The following PTPRM variants were observed in gnomAD, a reference collection of about 807,000 sequenced individuals.
PTPRM encodes the protein protein tyrosine phosphatase receptor type M.
A neutral mutation model predicts 186.7 loss-of-function variants in PTPRM; 47 were observed. The ratio of observed to expected loss-of-function variants is 0.25; its 90% confidence interval spans 0.20 to 0.32. The LOEUF (loss-of-function observed/expected upper bound fraction) is 0.32, where lower values mean the gene tolerates loss of function less well. Ranked by LOEUF, PTPRM falls within the 10% of genes least tolerant of loss-of-function variation. The pLI is 1.00. For synonymous variants in PTPRM, 668 were observed against 674.9 expected (o/e 0.99, Z 0.16); for missense variants, 1,494 against 1,865.0 (o/e 0.80, Z 3.66).
chr18:7,683,865 C>T (rs930130906), intron 1 of PTPRM, among the ~76,000 whole-genome samples: 2 of 152,030 alleles, frequency 1.3e-5, no homozygotes, highest in Non-Finnish European at 2.9e-5. Context: ...GAATGCACCC[C>T]CAGGCTCATT....
At chr18:7,752,026 A>G (rs1369654685) in intron 1 of PTPRM, among the ~76,000 whole-genome samples, 1 of 152,248 alleles carries the variant, frequency 6.6e-6, no homozygotes, top group South Asian at 2.1e-4. Flanking sequence ...TAGGTTGCCC[A>G]TGCAGAGTTG....
chr18:7,711,310 C>A (rs777866973), intron 1 of PTPRM, among the ~76,000 whole-genome samples: 6 of 152,180 alleles, frequency 3.9e-5, no homozygotes, highest in Non-Finnish European at 5.9e-5. Flanking sequence ...CCAGATACTA[C>A]GCTTTTCTCA....
chr18:7,922,115 A>G (rs2050900743), intron 4 of PTPRM, among the ~76,000 whole-genome samples: 6 of 152,138 alleles, frequency 3.9e-5, no homozygotes, highest in Admixed American at 3.9e-4. Context: ...ATGACACCTT[A>G]AGCCAAAGTT....
intron 22 of PTPRM, among the ~76,000 whole-genome samples, chr18:8,329,992 A>G (rs2095403103): frequency 6.6e-6 from 1 of 152,004 alleles, no homozygotes; most frequent in Non-Finnish European, 1.5e-5. Context: ...TTATAGAGAC[A>G]GGGTTTTGCT....
chr18:7,951,661 A>C (rs73381856), intron 6 of PTPRM, among the ~76,000 whole-genome samples: 1 of 152,156 alleles, frequency 6.6e-6, no homozygotes, highest in South Asian at 2.1e-4. Context: ...GACAATTTGC[A>C]TGCAGTTAGG....
At chr18:8,348,280 G>A (rs984157767) in intron 23 of PTPRM, among the ~76,000 whole-genome samples, 4 of 152,236 alleles carry the variant, frequency 2.6e-5, no homozygotes, top group Admixed American at 1.3e-4. Context: ...GCCCTGAAGC[G>A]CTCTGCATTA....
intron 1 of PTPRM, among the ~76,000 whole-genome samples, chr18:7,644,756 G>T (rs138980587): frequency 8.0e-4 from 122 of 152,254 alleles, no homozygotes; most frequent in Middle Eastern, 3.4e-3. Context: ...AATGGTTGAG[G>T]TTTATGCAAG....
At chr18:8,355,725 G>T (rs2095559919) in intron 23 of PTPRM, among the ~76,000 whole-genome samples, 1 of 152,192 alleles carries the variant, frequency 6.6e-6, no homozygotes, top group Admixed American at 6.5e-5. Flanking sequence ...ACATGCAACA[G>T]AAATCAACTC....
intron 19 of PTPRM, among the ~76,000 whole-genome samples, chr18:8,274,855 G>T (rs537153745): frequency 6.6e-6 from 1 of 152,292 alleles, no homozygotes; most frequent in East Asian, 1.9e-4. Context: ...AATCAAGGAA[G>T]AACTCACTGG....
At chr18:7,924,772 T>C (rs924263445) in intron 4 of PTPRM, among the ~76,000 whole-genome samples, 5 of 152,120 alleles carry the variant, frequency 3.3e-5, no homozygotes, top group Admixed American at 6.5e-5. Context: ...AGAAGCTTCA[T>C]GGAAGGAACA....
chr18:8,057,406 TTGTGATAC>T (rs146715813), intron 7 of PTPRM, among the ~76,000 whole-genome samples: 6,008 of 147,264 alleles, frequency 0.041, 340 homozygotes, highest in African/African-American at 0.13. Context: ...TCAACCATTG[TTGTGATAC>T]TGTGATACTT....
At chr18:7,767,350 G>T (rs643415) in intron 1 of PTPRM, among the ~76,000 whole-genome samples, 1,803 of 152,254 alleles carry the variant, frequency 0.012, 35 homozygotes, top group African/African-American at 0.041. Flanking sequence ...TGATTTACGT[G>T]TACTGGGTCA....
chr18:7,894,542 C>T (rs537187998), intron 3 of PTPRM, among the ~76,000 whole-genome samples: 2 of 151,988 alleles, frequency 1.3e-5, no homozygotes, highest in Non-Finnish European at 2.9e-5. Context: ...GCCGAGATTG[C>T]GCCACTGCAC....
At chr18:7,976,097 A>G (rs895246711) in intron 7 of PTPRM, among the ~76,000 whole-genome samples, 2 of 152,228 alleles carry the variant, frequency 1.3e-5, no homozygotes, top group African/African-American at 4.8e-5. Flanking sequence ...TGAACCTGGG[A>G]GGCAGAGATT....
At chr18:7,669,052 C>T (rs921579089) in intron 1 of PTPRM, among the ~76,000 whole-genome samples, 1 of 152,002 alleles carries the variant, frequency 6.6e-6, no homozygotes, top group Admixed American at 6.5e-5. Flanking sequence ...ACTAAATCTG[C>T]TGCCCCAGGG....
At chr18:7,705,931 C>T (rs2040077493) in intron 1 of PTPRM, among the ~76,000 whole-genome samples, 1 of 148,196 alleles carries the variant, frequency 6.7e-6, no homozygotes, top group South Asian at 2.1e-4. Flanking sequence ...CCAAATGATA[C>T]AAGAGCACTA....
At chr18:7,687,933 A>G (rs2039643533) in intron 1 of PTPRM, among the ~76,000 whole-genome samples, 1 of 152,024 alleles carries the variant, frequency 6.6e-6, no homozygotes, top group Non-Finnish European at 1.5e-5. Context: ...ACACGCCACC[A>G]TGCCCAGCTA....
At chr18:8,138,543 T>C (rs1417594318) in intron 13 of PTPRM, among the ~76,000 whole-genome samples, 1 of 152,044 alleles carries the variant, frequency 6.6e-6, no homozygotes, top group Non-Finnish European at 1.5e-5. Flanking sequence ...GTCCTCAGTC[T>C]CCCCTCATCT....
chr18:7,808,864 A>G (rs2044365734), intron 2 of PTPRM, among the ~76,000 whole-genome samples: 1 of 152,206 alleles, frequency 6.6e-6, no homozygotes, highest in Non-Finnish European at 1.5e-5. Context: ...TATAATATTC[A>G]ACGTGAATTT....
Sources: allele counts gnomAD v4.1 joint callset (sites outside exome capture counted in the v4.1 genomes callset), GRCh38; gene constraint gnomAD v4.1.1; transcripts MANE v1.5; gene names NCBI Gene and HGNC (gene_info 2026-07-23, HGNC 2026-07-21).